Variants in IGF1R observed in about 807,000 individuals in gnomAD.
IGF1R encodes the protein insulin-like growth factor 1 receptor.
A neutral mutation model predicts 144.6 loss-of-function variants in IGF1R; 44 were observed. That is an observed-to-expected ratio of 0.30 (90% CI 0.24 to 0.39). The LOEUF (loss-of-function observed/expected upper bound fraction) is 0.39, where lower values mean the gene tolerates loss of function less well. Ranked by LOEUF, IGF1R falls within the 10% of genes least tolerant of loss-of-function variation. The pLI, the probability that IGF1R is intolerant of heterozygous loss-of-function variation, is 1.00. For synonymous variants in IGF1R, 795 were observed against 722.8 expected, an observed-to-expected ratio of 1.10 and a Z score of -1.60; for missense variants, 1,355 against 1,833.7, an observed-to-expected ratio of 0.74 and a Z score of 4.77.
chr15:98,714,748 G>A (rs561245082), intron 2 of IGF1R, among the ~76,000 whole-genome samples: 1 of 152,322 alleles, frequency 6.6e-6, no homozygotes, highest in African/African-American at 2.4e-5. Context: ...CTGGATGGGG[G>A]GAAGAGGGGC....
intron 2 of IGF1R, among the ~76,000 whole-genome samples, chr15:98,856,971 C>T (rs756221148): frequency 1.3e-5 from 2 of 151,958 alleles, no homozygotes; most frequent in Admixed American, 1.3e-4. Context: ...ATGATTTGCC[C>T]TTTCTCCTGT....
At position 98,838,670 on chromosome 15, in the gene IGF1R, T is replaced by C. The variant is rs1294094049; in HGVS notation, c.641-52655T>C. Reference sequence around the variant, plus strand: ...GGGTATTAACCTTGCCCCACTCATCTTGATTTATTCCTAGATCCCAGTTCC... The same window carrying C: ...GGGTATTAACCTTGCCCCACTCATCCTGATTTATTCCTAGATCCCAGTTCC... On this transcript the variant is annotated intron_variant, in intron 2 of 20. Transcript: ENST00000650285. 2.6e-5 allele frequency among the ~76,000 whole-genome samples: 4 copies of C among 152,328 alleles called. 1 individual carries two copies. Among genetic ancestry groups the C allele is most frequent in the Admixed American group, 2.6e-4 (4 of 15,308 alleles).
In IGF1R at chr15:98,717,718, A is replaced by G. The variant is rs534836723; in HGVS notation, c.640+9611A>G. 3.2e-4 allele frequency among the ~76,000 whole-genome samples: 48 copies of G among 152,340 alleles called. 2 individuals carry two copies. The highest frequency in any genetic ancestry group is 1.6e-3 in the Admixed American group (24 of 15,310). ...ATTTGGGAGCATTTAAGAAATATCC[A>G]TAGATTCTTGTATGATACTGACATT... is the stretch of plus-strand genomic sequence containing the variant. On this transcript the variant is annotated intron_variant, in intron 2 of 20. Transcript: ENST00000650285.
chr15:98,763,076 A>G (rs1227206933), intron 2 of IGF1R, among the ~76,000 whole-genome samples: 1 of 151,984 alleles, frequency 6.6e-6, no homozygotes, highest in African/African-American at 2.4e-5. Context: ...CCTCCACAAC[A>G]TATATTCCAA....
In IGF1R at chr15:98,907,678, C is replaced by T. The variant is rs562324787; in HGVS notation, c.1248-1007C>T. 8.5e-5 allele frequency among the ~76,000 whole-genome samples: 13 copies of T among 152,352 alleles called. No homozygotes were observed. In the South Asian group the frequency reaches 1.7e-3, roughly 19 times the overall value. ...CCACTGCGGGGATCTTTCTCTAGAC[C>T]TAAGCCGTAGCTGTCTGCTTTCTTG... On this transcript the variant is annotated intron_variant, in intron 5 of 20. Transcript: ENST00000650285.
intron 1 of IGF1R, among the ~76,000 whole-genome samples, chr15:98,675,885 G>C (rs1325530858): frequency 6.9e-6 from 1 of 144,988 alleles, no homozygotes; most frequent in Admixed American, 7.0e-5. Flanking sequence ...GAGTGCAGAG[G>C]TGTGATCTCT....
chr15:98,776,830 G>C (rs1183469432), intron 2 of IGF1R, among the ~76,000 whole-genome samples: 1 of 152,178 alleles, frequency 6.6e-6, no homozygotes, highest in Non-Finnish European at 1.5e-5. Flanking sequence ...TAAAACGCCC[G>C]TGACCTTGAA....
intron 1 of IGF1R, among the ~76,000 whole-genome samples, chr15:98,659,446 T>C (rs772020760): frequency 1.8e-4 from 27 of 152,164 alleles, no homozygotes; most frequent in Non-Finnish European, 2.5e-4. Flanking sequence ...GGTGACTGAA[T>C]TAATAGTGCC....
intron 2 of IGF1R, among the ~76,000 whole-genome samples, chr15:98,788,056 CTCTCTCTGTGTGTGTGTG>C (rs1323973129): frequency 0.026 from 2,755 of 106,384 alleles, 87 homozygotes; most frequent in African/African-American, 0.079. Context: ...CTCTCTCTCT[CTCTCTCTGTGTGTGTGTG>C]TGTGTGTGTG....
chr15:98,842,948 G>T (rs1196939387), intron 2 of IGF1R, among the ~76,000 whole-genome samples: 1 of 152,156 alleles, frequency 6.6e-6, no homozygotes, highest in African/African-American at 2.4e-5. Context: ...TTGAATTTTT[G>T]CTGTTAGCAA....
At chr15:98,703,935 C>G (rs567443341) in intron 1 of IGF1R, among the ~76,000 whole-genome samples, 1 of 152,302 alleles carries the variant, frequency 6.6e-6, no homozygotes, top group Admixed American at 6.5e-5. Context: ...ATCCAGAATG[C>G]TTCAAAAGTT....
At chr15:98,871,146 C>T (rs1006181340) in intron 2 of IGF1R, among the ~76,000 whole-genome samples, 1 of 152,246 alleles carries the variant, frequency 6.6e-6, no homozygotes, top group South Asian at 2.1e-4. Context: ...ATTCCTTTGA[C>T]CTGGGAAGTC....
At chr15:98,829,260 A>G (rs1434232450) in intron 2 of IGF1R, among the ~76,000 whole-genome samples, 1 of 151,732 alleles carries the variant, frequency 6.6e-6, no homozygotes, top group East Asian at 1.9e-4. Context: ...TCCCCTTCAC[A>G]CCTTTCGTGT....
chr15:98,850,167 TC>T (rs1289461070), intron 2 of IGF1R, among the ~76,000 whole-genome samples: 1 of 152,214 alleles, frequency 6.6e-6, no homozygotes, highest in African/African-American at 2.4e-5. Flanking sequence ...GGGTGATAGC[TC>T]CCAAGCTTAT....
At chr15:98,850,348 A>ACC (rs1001439903) in intron 2 of IGF1R, among the ~76,000 whole-genome samples, 1 of 152,176 alleles carries the variant, frequency 6.6e-6, no homozygotes, top group Non-Finnish European at 1.5e-5. Context: ...GCAGAGAAGG[A>ACC]CCCTGTGGCA....
intron 2 of IGF1R, among the ~76,000 whole-genome samples, chr15:98,774,331 C>A (rs541613273): frequency 1.4e-4 from 22 of 152,204 alleles, no homozygotes; most frequent in African/African-American, 3.9e-4. Flanking sequence ...CAAGACAGAT[C>A]AAAAATGGGG....
At chr15:98,916,393 C>T (rs1403377972) in intron 9 of IGF1R, 2 of 555,604 alleles carry the variant, frequency 3.6e-6, no homozygotes, top group African/African-American at 1.9e-5. Flanking sequence ...TTCCGAGTAG[C>T]TGGGATTACA....
At chr15:98,808,653 AGG>A in intron 2 of IGF1R, among the ~76,000 whole-genome samples, 1 of 149,808 alleles carries the variant, frequency 6.7e-6, no homozygotes, top group Middle Eastern at 3.4e-3. Context: ...CAGGGACTCT[AGG>A]GCAGGTATGT....
chr15:98,863,545 AT>A (rs1386793582), intron 2 of IGF1R, among the ~76,000 whole-genome samples: 1 of 152,082 alleles, frequency 6.6e-6, no homozygotes, highest in Non-Finnish European at 1.5e-5. Context: ...GATTTTATGT[AT>A]TTTTTAACAG....
Sources: gnomAD v4.1 joint callset for allele counts (sites outside exome capture counted in the v4.1 genomes callset) on GRCh38, gnomAD v4.1.1 for gene constraint, MANE v1.5 for transcripts, NCBI Gene and HGNC (gene_info 2026-07-23, HGNC 2026-07-21) for gene names.